DENND1A: variants seen among roughly 807,000 people sequenced by gnomAD.
DENND1A encodes DENN domain-containing protein 1A.
A neutral mutation model predicts 113.7 loss-of-function variants in DENND1A; 51 were observed. The observed-to-expected ratio is 0.45, with a 90% CI of 0.36 to 0.57. The LOEUF is 0.57. DENND1A is among the 20% of genes least tolerant of loss of function. The pLI is 0.00. For missense variants in DENND1A, 1,258 were observed against 1,395.9 expected, an observed-to-expected ratio of 0.90 and a Z score of 1.57; for synonymous variants, 565 against 570.8, an observed-to-expected ratio of 0.99 and a Z score of 0.14.
At chr9:123,707,381 C>T (rs1049763294) in intron 5 of DENND1A, among the ~76,000 whole-genome samples, 1 of 148,834 alleles carries the variant, frequency 6.7e-6, no homozygotes, top group African/African-American at 2.5e-5. Context: ...GGAACAAGAG[C>T]GTTAACTCCA....
intron 12 of DENND1A, among the ~76,000 whole-genome samples, chr9:123,565,164 G>A (rs1164058268): frequency 6.6e-6 from 1 of 151,870 alleles, no homozygotes; most frequent in Non-Finnish European, 1.5e-5. Context: ...GCTAATTTTT[G>A]TATTTTTAGT....
intron 5 of DENND1A, among the ~76,000 whole-genome samples, chr9:123,699,740 C>A (rs1364094015): frequency 2.7e-5 from 4 of 149,138 alleles, no homozygotes; most frequent in Non-Finnish European, 5.9e-5. Flanking sequence ...CTCTGTCACC[C>A]AGGCTGGAGT....
At chr9:123,768,951 G>T (rs995646588) in intron 4 of DENND1A, among the ~76,000 whole-genome samples, 1 of 151,246 alleles carries the variant, frequency 6.6e-6, no homozygotes, top group Non-Finnish European at 1.5e-5. Flanking sequence ...CTAAGGAAAT[G>T]TTTAGGTGGT....
chr9:123,424,970 C>T (rs933915510), intron 19 of DENND1A, among the ~76,000 whole-genome samples: 2 of 152,142 alleles, frequency 1.3e-5, no homozygotes, highest in Admixed American at 6.5e-5. Context: ...TTCCTTAGCC[C>T]GCAGGCACTA....
At chr9:123,520,962 CCTTTTTA>C (rs1235186851) in intron 13 of DENND1A, among the ~76,000 whole-genome samples, 2 of 152,162 alleles carry the variant, frequency 1.3e-5, no homozygotes, top group African/African-American at 4.8e-5. Flanking sequence ...TTCCCTCTCA[CCTTTTTA>C]CTGTACAAAC....
At chr9:123,905,002 A>G (rs1164169290) in intron 1 of DENND1A, among the ~76,000 whole-genome samples, 1 of 152,250 alleles carries the variant, frequency 6.6e-6, no homozygotes, top group Admixed American at 6.5e-5. Context: ...GACTAACAGC[A>G]GATCTCTCAG....
rs571879580 is a variant in DENND1A at position 123,391,818 on chromosome 9, C to T, written c.1632-3960G>A. Among the ~76,000 whole-genome samples, 44 of 151,362 alleles carry T rather than the reference C, an allele frequency of 2.9e-4. No individual in the cohort carries two copies. The South Asian group carries it at 9.2e-3, about 32-fold the overall frequency. On this transcript the variant is annotated intron_variant, in intron 21 of 23. Coordinates refer to ENST00000394215, the MANE Select transcript of DENND1A (RefSeq NM_001352964.2). ...TCATTAACCCAATTCAGCTACTCCCCTGCGGTCTGCCACCCACCACTTGCC... is the reference window on the plus strand; with the variant it reads ...TCATTAACCCAATTCAGCTACTCCCTTGCGGTCTGCCACCCACCACTTGCC...
At chr9:123,755,392 C>T (rs1309052584) in intron 5 of DENND1A, among the ~76,000 whole-genome samples, 2 of 151,982 alleles carry the variant, frequency 1.3e-5, no homozygotes, top group African/African-American at 4.8e-5. Context: ...GATCTGCCCA[C>T]CTCAGCCTCC....
chr9:123,478,262 A>G (rs1444931532), intron 13 of DENND1A, among the ~76,000 whole-genome samples: 1 of 152,224 alleles, frequency 6.6e-6, no homozygotes, highest in Non-Finnish European at 1.5e-5. Context: ...CAGTCACATT[A>G]TTAAGTCTTC....
At chr9:123,450,620 T>C (rs2047648319) in intron 18 of DENND1A, 73 bp downstream of exon 18, 1 of 1,249,616 alleles carries the variant, frequency 8.0e-7, no homozygotes, top group Non-Finnish European at 1.2e-6. Context: ...CCTCTATTGA[T>C]CCCCTCATAC....
intron 5 of DENND1A, among the ~76,000 whole-genome samples, chr9:123,742,101 G>C (rs537984416): frequency 1.3e-5 from 2 of 152,300 alleles, no homozygotes; most frequent in East Asian, 3.9e-4. Context: ...AACGCTGTTT[G>C]TCCCCTCGGC....
intron 5 of DENND1A, among the ~76,000 whole-genome samples, chr9:123,719,420 G>C (rs1389088270): frequency 6.6e-6 from 1 of 152,208 alleles, no homozygotes; most frequent in East Asian, 1.9e-4. Flanking sequence ...GAAGAGAACT[G>C]AACTGTCCGC....
intron 1 of DENND1A, among the ~76,000 whole-genome samples, chr9:123,887,849 G>A (rs1249444038): frequency 6.6e-6 from 1 of 152,160 alleles, no homozygotes; most frequent in East Asian, 1.9e-4. Flanking sequence ...GTTTCTTACA[G>A]TTGAAGTTAA....
intron 10 of DENND1A, among the ~76,000 whole-genome samples, chr9:123,629,284 C>T (rs978760449): frequency 3.3e-5 from 5 of 152,202 alleles, no homozygotes; most frequent in African/African-American, 7.2e-5. Context: ...ATATCCGGCA[C>T]GCAGTTAGTG....
chr9:123,874,643 A>C (rs1847173677), intron 2 of DENND1A, among the ~76,000 whole-genome samples: 1 of 152,188 alleles, frequency 6.6e-6, no homozygotes, highest in Admixed American at 6.5e-5. Context: ...TAAACAAACA[A>C]ATAAGTAAGA....
intron 19 of DENND1A, among the ~76,000 whole-genome samples, chr9:123,435,261 T>G (rs997344838): frequency 3.9e-5 from 6 of 152,180 alleles, no homozygotes; most frequent in African/African-American, 1.4e-4. Context: ...CCAAGGGTGC[T>G]GAGAAGGCAT....
intron 8 of DENND1A, among the ~76,000 whole-genome samples, chr9:123,664,001 G>A (rs1366026355): frequency 6.6e-6 from 1 of 152,142 alleles, no homozygotes; most frequent in African/African-American, 2.4e-5. Context: ...AGGCCTTCCA[G>A]GGCTGCCAAA....
chr9:123,674,145 C>T (rs139876465), intron 6 of DENND1A, among the ~76,000 whole-genome samples: 430 of 152,148 alleles, frequency 2.8e-3, no homozygotes, highest in Middle Eastern at 0.01. Flanking sequence ...CCTCAGGCTC[C>T]GACACCCTGA....
rs368346714 is a variant in DENND1A at position 123,474,071 on chromosome 9, C to T, written c.994-16174G>A. Among the ~76,000 whole-genome samples, 6 of 144,710 alleles carry T rather than the reference C, an allele frequency of 4.1e-5. No individual in the cohort carries two copies. The East Asian group carries it at 6.4e-4, about 15-fold the overall frequency. The allele number at this position is 144,710 out of a possible 152,430, so 94.9% of individuals were successfully genotyped here. A position where few individuals can be genotyped will look rare whatever the true frequency, so the allele number is the denominator to read the frequency against. ...GTGCAATGGTGTAATCTTGGCTGAC[C>T]GCAACCTCTGCCTCCTGGGTTCAAG... On this transcript the variant is annotated intron_variant, in intron 13 of 23. Transcript: ENST00000394215.
Sources: gnomAD v4.1 joint callset for allele counts (sites outside exome capture counted in the v4.1 genomes callset) on GRCh38, gnomAD v4.1.1 for gene constraint, MANE v1.5 for transcripts, NCBI Gene and HGNC (gene_info 2026-07-23, HGNC 2026-07-21) for gene names.